The following ERC2 variants were observed in gnomAD, a reference collection of about 807,000 sequenced individuals.
The protein encoded by ERC2 is ELKS/RAB6-interacting/CAST family member 2.
In ERC2, 42 loss-of-function variants were observed where a neutral mutation model predicts 114.8. The observed-to-expected ratio is 0.37, with a 90% CI of 0.29 to 0.47. The LOEUF (loss-of-function observed/expected upper bound fraction) is 0.47. Ranked by LOEUF, ERC2 falls within the 20% of genes least tolerant of loss-of-function variation. ERC2 has a pLI of 0.99. For synonymous variants in ERC2, 454 were observed against 425.5 expected (o/e 1.07, Z -0.82); for missense variants, 939 against 1,150.7 (o/e 0.82, Z 2.66).
rs1576614541 is a variant in ERC2 at position 56,027,617 on chromosome 3, C to T, written c.1642-8586G>A. ...GTGCTTATTTACTGTCTGTAAGTCT[C>T]CTTCGGTAAAATGTCTCTTCAAGTC... On this transcript the variant is annotated intron_variant, in intron 7 of 17. Transcript: ENST00000288221. 5.3e-5 allele frequency among the ~76,000 whole-genome samples: 8 copies of T among 152,248 alleles called. 1 individual carries two copies. The highest frequency in any genetic ancestry group is 5.2e-4 in the Admixed American group (8 of 15,296).
chr3:56,325,264 G>A (rs912541364), intron 2 of ERC2, among the ~76,000 whole-genome samples: 3 of 151,968 alleles, frequency 2.0e-5, no homozygotes, highest in Admixed American at 1.3e-4. Flanking sequence ...CTAACTCAGT[G>A]AAACCCCATC....
intron 12 of ERC2, among the ~76,000 whole-genome samples, chr3:55,955,590 A>G (rs2067898931): frequency 6.6e-6 from 1 of 152,210 alleles, no homozygotes; most frequent in Non-Finnish European, 1.5e-5. Context: ...CTTATTGCTG[A>G]GTACTATTCC....
chr3:56,062,280 T>G (rs1381012206), intron 7 of ERC2, among the ~76,000 whole-genome samples: 4 of 152,182 alleles, frequency 2.6e-5, no homozygotes, highest in East Asian at 1.9e-4. Flanking sequence ...GTAAGAGAAC[T>G]CTTTTCAGTT....
intron 6 of ERC2, among the ~76,000 whole-genome samples, chr3:56,116,725 A>G (rs1290459105): frequency 3.3e-5 from 5 of 151,954 alleles, no homozygotes; most frequent in African/African-American, 1.2e-4. Context: ...TCAGGATTCT[A>G]TTATCCTTCA....
intron 6 of ERC2, among the ~76,000 whole-genome samples, chr3:56,085,803 A>G (rs555580394): frequency 6.6e-5 from 10 of 152,300 alleles, no homozygotes; most frequent in African/African-American, 2.2e-4. Flanking sequence ...GTTACAATCA[A>G]TTGTAGATAT....
intron 3 of ERC2, among the ~76,000 whole-genome samples, chr3:56,232,115 C>T (rs139239434): frequency 0.024 from 3,562 of 149,486 alleles, 59 homozygotes; most frequent in Admixed American, 0.034. Flanking sequence ...GGACTACAGG[C>T]ATGCACCACC....
intron 13 of ERC2, among the ~76,000 whole-genome samples, chr3:55,907,517 G>A (rs140863871): frequency 2.0e-5 from 3 of 152,196 alleles, no homozygotes; most frequent in African/African-American, 7.2e-5. Context: ...TGGAGAAAAT[G>A]AATCAGAGGT....
chr3:55,565,656 T>C (rs1209359323), intron 17 of ERC2, among the ~76,000 whole-genome samples: 2 of 152,168 alleles, frequency 1.3e-5, no homozygotes, highest in African/African-American at 2.4e-5. Flanking sequence ...CCTAGATCCA[T>C]GTAGGCTCAC....
chr3:55,792,633 T>C (rs772485856), intron 14 of ERC2, among the ~76,000 whole-genome samples: 11 of 152,286 alleles, frequency 7.2e-5, no homozygotes, highest in Non-Finnish European at 1.6e-4. Context: ...TGACCAACAA[T>C]AGTAATGGAA....
At chr3:55,590,573 T>C (rs1387246218) in intron 17 of ERC2, among the ~76,000 whole-genome samples, 2 of 152,172 alleles carry the variant, frequency 1.3e-5, no homozygotes, top group African/African-American at 4.8e-5. Context: ...GAGGTAAAAC[T>C]ACACGAACTG....
chr3:55,741,235 G>A (rs933476057), intron 14 of ERC2, among the ~76,000 whole-genome samples: 2 of 152,010 alleles, frequency 1.3e-5, no homozygotes, highest in African/African-American at 4.8e-5. Context: ...TACATTGGCA[G>A]AAATCACCTA....
At chr3:56,356,197 G>A (rs975139717) in intron 2 of ERC2, among the ~76,000 whole-genome samples, 44 of 152,200 alleles carry the variant, frequency 2.9e-4, no homozygotes, top group Non-Finnish European at 2.9e-5. Flanking sequence ...GTCACTAATA[G>A]TCACATTTAG....
At position 56,278,189 on chromosome 3, in the gene ERC2, C is replaced by T. The variant is rs75326457; in HGVS notation, c.1074+17830G>A. 2.4e-3 allele frequency among the ~76,000 whole-genome samples: 372 copies of T among 152,272 alleles called. 3 individuals carry two copies. The highest frequency in any genetic ancestry group is 8.7e-3 in the African/African-American group (361 of 41,554). ...ATCTACTTAGTAAAGACTGCAATATCCCAGAGCAGAGTTCAGACTGGTGGG... is the reference window on the plus strand; with the variant it reads ...ATCTACTTAGTAAAGACTGCAATATTCCAGAGCAGAGTTCAGACTGGTGGG... On this transcript the variant is annotated intron_variant, in intron 3 of 17. Transcript: ENST00000288221.
At chr3:55,965,422 T>C (rs2068680323) in intron 12 of ERC2, among the ~76,000 whole-genome samples, 1 of 152,270 alleles carries the variant, frequency 6.6e-6, no homozygotes, top group Admixed American at 6.5e-5. Context: ...GCTGCCCTAT[T>C]GGACAGCACA....
Position 56,406,037 on chromosome 3 carries a change from C to T in ERC2, c.657+28314G>A, listed in dbSNP as rs143657084. Reference sequence around the variant, plus strand: ...CCACCCTAGTGGCTGAGACTACAAGCGCGTGCCACCATGCTCAGCTAATTT... The same window carrying T: ...CCACCCTAGTGGCTGAGACTACAAGTGCGTGCCACCATGCTCAGCTAATTT... On this transcript the variant is annotated intron_variant, in intron 2 of 17. Transcript: ENST00000288221. Among the ~76,000 whole-genome samples the T allele has an allele frequency of 1.1e-4, 17 of 151,798 alleles. No individual in the cohort carries two copies. The East Asian group carries it at 2.5e-3, about 23-fold the overall frequency.
intron 9 of ERC2, among the ~76,000 whole-genome samples, chr3:56,008,159 C>A (rs1413201077): frequency 1.3e-5 from 2 of 152,292 alleles, no homozygotes; most frequent in African/African-American, 4.8e-5. Flanking sequence ...GTATTTCCTT[C>A]TTGATCATTT....
chr3:56,031,370 C>T lies in ERC2; in HGVS notation c.1642-12339G>A, dbSNP rs2074370010. Among the ~76,000 whole-genome samples, 6 of 152,198 alleles carry T rather than the reference C, an allele frequency of 3.9e-5. No individual in the cohort carries two copies. The South Asian group carries it at 1.2e-3, about 31-fold the overall frequency. On this transcript the variant is annotated intron_variant, in intron 7 of 17. Transcript: ENST00000288221. ...TGTACATGCTGGCTCCAGGCCCACCCCCACATACCCATGGCTGGCCCCATG... is the reference window on the plus strand; with the variant it reads ...TGTACATGCTGGCTCCAGGCCCACCTCCACATACCCATGGCTGGCCCCATG...
intron 3 of ERC2, among the ~76,000 whole-genome samples, chr3:56,221,319 CAA>C (rs2150150002): frequency 6.7e-6 from 1 of 148,890 alleles, no homozygotes; most frequent in South Asian, 2.1e-4. Flanking sequence ...TGAATTCAAA[CAA>C]TGTTATTCTT....
At chr3:56,328,081 G>A (rs745557009) in intron 2 of ERC2, among the ~76,000 whole-genome samples, 41 of 152,198 alleles carry the variant, frequency 2.7e-4, no homozygotes, top group Non-Finnish European at 4.6e-4. Flanking sequence ...AAAGGCATGT[G>A]CAGATGCTAT....
Sources: allele counts gnomAD v4.1 joint callset (sites outside exome capture counted in the v4.1 genomes callset), GRCh38; gene constraint gnomAD v4.1.1; transcripts MANE v1.5; gene names NCBI Gene and HGNC (gene_info 2026-07-23, HGNC 2026-07-21).